Variants in NID1 observed in about 807,000 individuals in gnomAD.
The protein encoded by NID1 is nidogen 1.
Under a neutral mutation model 130.6 loss-of-function variants are expected in NID1, and 76 were observed. The ratio of observed to expected loss-of-function variants is 0.58; its 90% CI spans 0.48 to 0.70. NID1 has a LOEUF of 0.70. Ranked by LOEUF, NID1 falls within the 30% of genes least tolerant of loss-of-function variation. The pLI is 0.00. For missense variants in NID1, 1,517 were observed against 1,664.8 expected (o/e 0.91, Z 1.54); for synonymous variants, 665 against 675.1 (o/e 0.98, Z 0.23).
intron 12 of NID1, among the ~76,000 whole-genome samples, chr1:236,001,767 G>A (rs777318276): frequency 4.7e-4 from 71 of 152,192 alleles, no homozygotes; most frequent in Non-Finnish European, 4.6e-4. Flanking sequence ...CAGAAAGGTC[G>A]TAAACCAGCA....
intron 8 of NID1, among the ~76,000 whole-genome samples, chr1:236,025,439 T>A (rs891325588): frequency 6.0e-5 from 9 of 149,016 alleles, no homozygotes; most frequent in African/African-American, 2.0e-4. Context: ...TTTTTGTATT[T>A]TTAGTAGATA....
intron 1 of NID1, among the ~76,000 whole-genome samples, chr1:236,054,051 C>T (rs962348623): frequency 6.6e-5 from 10 of 152,088 alleles, no homozygotes; most frequent in Non-Finnish European, 1.3e-4. Flanking sequence ...ATGCAATCAG[C>T]AAAATCCAGA....
chr1:236,002,092 G>C (rs1658092119), intron 12 of NID1, among the ~76,000 whole-genome samples: 1 of 152,214 alleles, frequency 6.6e-6, no homozygotes, highest in Non-Finnish European at 1.5e-5. Flanking sequence ...CAAAAGATGA[G>C]GGCCCTGGTC....
In NID1 at chr1:236,026,188, A is replaced by G. The variant is rs1187622939; in HGVS notation, c.1739-47T>C. On this transcript the variant is annotated intron_variant, in intron 7 of 19. Coordinates refer to ENST00000264187, the MANE Select transcript of NID1 (RefSeq NM_002508.3). ...GGGGACAAGGCAGGGAGACAGAGGGAAGATGGTTAAGGATGCAAGAAGCTG... is the reference window on the plus strand; with the variant it reads ...GGGGACAAGGCAGGGAGACAGAGGGGAGATGGTTAAGGATGCAAGAAGCTG... 1.9e-6 allele frequency: 3 copies of G among 1,602,472 alleles called. No individual in the cohort carries two copies. In the African/African-American group the frequency reaches 4.0e-5, roughly 21 times the overall value.
intron 12 of NID1, among the ~76,000 whole-genome samples, chr1:235,998,574 C>T (rs1258765966): frequency 1.3e-5 from 2 of 151,890 alleles, no homozygotes; most frequent in African/African-American, 4.8e-5. Context: ...ACTCGGGAGG[C>T]TGAGGCTGGA....
intron 6 of NID1, among the ~76,000 whole-genome samples, chr1:236,030,713 T>C (rs1241570432): frequency 6.6e-6 from 1 of 152,188 alleles, no homozygotes; most frequent in African/African-American, 2.4e-5. Flanking sequence ...TTTGACAACC[T>C]CAGCTTTATA....
intron 19 of NID1, among the ~76,000 whole-genome samples, chr1:235,978,729 A>G (rs1444756802): frequency 6.6e-6 from 1 of 152,186 alleles, no homozygotes; most frequent in Non-Finnish European, 1.5e-5. Flanking sequence ...TAATATCCTA[A>G]CCTGACTATT....
intron 12 of NID1, among the ~76,000 whole-genome samples, chr1:236,006,864 A>G (rs1339742381): frequency 1.3e-5 from 2 of 152,136 alleles, no homozygotes; most frequent in Non-Finnish European, 2.9e-5. Context: ...TATTTTTACA[A>G]TATAAAGATA....
rs1039494286 is a variant in NID1 at position 236,029,657 on chromosome 1, C to T, written c.1631G>A (p.Gly544Glu). The change falls in exon 7 of 20, where the codon GGG becomes GAG. Residue 544 changes from glycine to glutamate, a missense_variant. Gly to Glu is a moderately conservative substitution (Grantham distance 98). Transcript: ENST00000264187. ...CAGCTCCGTGTCGATGGTCAGGTGC[C>T]CATGCTCATCGATGCCGCTGAACCG... is the stretch of plus-strand genomic sequence containing the variant. The part of the protein sequence containing the change: ...KQRFSGIDEH[G>E]HLTIDTELEG... 3.7e-6 allele frequency: 6 copies of T among 1,613,658 alleles called. No homozygotes were observed. The highest frequency in any genetic ancestry group is 4.2e-6 in the Non-Finnish European group (5 of 1,179,964).
Position 236,042,047 on chromosome 1 carries a change from G to C in NID1, c.998C>G (p.Ser333Cys), listed in dbSNP as rs1348460052. ...ADTYSVPSVL[S>C]PRRAATERPL... Reference sequence around the variant, plus strand: ...CCTTTCGGTAGCTGCCCGGCGCGGGGAGAGGACGCTGGGCACACTGTATGT... The same window carrying C: ...CCTTTCGGTAGCTGCCCGGCGCGGGCAGAGGACGCTGGGCACACTGTATGT... Residue 333 changes from serine (S) to cysteine (C), a missense_variant, in exon 4 of 20, where the codon TCC (serine) becomes TGC (cysteine). Around this residue, in one of 3 missense-constraint regions of NID1, gnomAD observed 1,329 missense variants for 1,429.2 expected, o/e 0.93. Transcript: ENST00000264187. 2 of 1,614,190 alleles carry C rather than the reference G, an allele frequency of 1.2e-6. No homozygotes were observed. The highest frequency in any genetic ancestry group is 2.2e-5 in the South Asian group (2 of 91,082).
At chr1:236,043,011 C>T (rs75508279) in intron 3 of NID1, among the ~76,000 whole-genome samples, 4,319 of 152,148 alleles carry the variant, frequency 0.028, 188 homozygotes, top group African/African-American at 0.096. Context: ...CCATAAAAAC[C>T]CTAAAATGAT....
chr1:236,026,912 T>C (rs1558438263), intron 7 of NID1, among the ~76,000 whole-genome samples: 1 of 152,204 alleles, frequency 6.6e-6, no homozygotes, highest in South Asian at 2.1e-4. Context: ...CTCATTTTTT[T>C]GTATTTTTAG....
In NID1 at chr1:235,980,510, C is replaced by A. The variant is rs1657406432; in HGVS notation, c.3371G>T (p.Cys1124Phe). 5 of 1,614,146 alleles carry A rather than the reference C, an allele frequency of 3.1e-6. No homozygotes were observed. Among genetic ancestry groups the A allele is most frequent in the Non-Finnish European group, 4.2e-6 (5 of 1,180,008 alleles). ...LTFDAFSSQL[C>F]WVDAGTNRAE... Reference sequence around the variant, plus strand: ...CTTTCCATCACCTGCATCCACCCAGCAGAGCTGAGATGAGAACGCATCGAA... The same window carrying A: ...CTTTCCATCACCTGCATCCACCCAGAAGAGCTGAGATGAGAACGCATCGAA... The change falls in exon 17 of 20, where the codon TGC becomes TTC. Residue 1124 changes from cysteine to phenylalanine, a missense_variant. By Grantham distance (205) the Cys-to-Phe change is radical. Coordinates refer to ENST00000264187, the MANE Select transcript of NID1 (RefSeq NM_002508.3).
chr1:235,980,521 TG>T lies in NID1; in HGVS notation c.3359del (p.Ser1120TyrfsTer17). 6.2e-7 allele frequency: 1 copy of T among 1,614,094 alleles called. No individual in the cohort carries two copies. The highest frequency in any genetic ancestry group is 1.1e-5 in the South Asian group (1 of 91,080). ...LPNGLTFDAF[S>X]SQLCWVDAGT... is the part of the protein sequence containing the mutation. The stretch of plus-strand genomic sequence containing the variant: ...CTGCATCCACCCAGCAGAGCTGAGA[TG>T]AGAACGCATCGAAGGTCAGTCCATT... On this transcript the variant is annotated frameshift_variant, in exon 17 of 20. Transcript: ENST00000264187. LOFTEE classifies it high-confidence loss of function.
intron 5 of NID1, 81 bp from the exon 6 acceptor site, chr1:236,032,733 C>G: frequency 6.5e-7 from 1 of 1,532,324 alleles, no homozygotes; most frequent in Non-Finnish European, 8.8e-7. Flanking sequence ...AGGACCTGTA[C>G]CTATTGGTGA....
chr1:236,029,806 C>G, intron 6 of NID1, 56 bp from the exon 7 acceptor site: 1 of 1,564,248 alleles, frequency 6.4e-7, no homozygotes, highest in Non-Finnish European at 8.8e-7. Flanking sequence ...CCCTTCTGCC[C>G]GCCCCAGGCT....
intron 1 of NID1, among the ~76,000 whole-genome samples, chr1:236,059,054 G>A (rs907731084): frequency 6.6e-6 from 1 of 152,056 alleles, no homozygotes; most frequent in Non-Finnish European, 1.5e-5. Flanking sequence ...CCCTCTTTTC[G>A]CATACTTGAA....
chr1:236,012,003 G>A lies in NID1; in HGVS notation c.2445C>T (p.Ala815=), dbSNP rs1423635092. ...ECQPSRCHPD[A]FCYNTPGSFT... ...AAGAGCCTGGAGTGTTGTAGCAGAA[G>A]GCGTCAGGGTGACATCGGCTTGGCT... The change falls in exon 12 of 20, where the codon GCC becomes GCT. Residue 815 remains alanine, a synonymous_variant. Transcript: ENST00000264187. 1.9e-6 allele frequency: 3 copies of A among 1,614,024 alleles called. No individual in the cohort carries two copies. Among genetic ancestry groups the A allele is most frequent in the African/African-American group, 2.7e-5 (2 of 74,942 alleles).
intron 2 of NID1, among the ~76,000 whole-genome samples, chr1:236,047,784 T>C (rs1659647712): frequency 6.6e-6 from 1 of 152,022 alleles, no homozygotes; most frequent in African/African-American, 2.4e-5. Flanking sequence ...CCCAGCACTT[T>C]GGGAGGCTGA....
Sources: gnomAD v4.1 joint callset for allele counts (sites outside exome capture counted in the v4.1 genomes callset) on GRCh38, gnomAD v4.1.1 for gene constraint, gnomAD v4.1.1 regional missense constraint, MANE v1.5 for transcripts, NCBI Gene and HGNC (gene_info 2026-07-23, HGNC 2026-07-21) for gene names.